Variants in SHANK2 observed in about 807,000 individuals in gnomAD.
SHANK2 encodes the protein SH3 and multiple ankyrin repeat domains protein 2.
SHANK2 carries 43 observed loss-of-function variants against 133.7 expected under a neutral mutation model. The observed-to-expected ratio is 0.32, with a 90% confidence interval of 0.25 to 0.41. SHANK2 has a LOEUF of 0.41. SHANK2 is among the 10% of genes least tolerant of loss of function. The pLI is 1.00. For missense variants in SHANK2, 1,994 were observed against 2,235.8 expected, an observed-to-expected ratio of 0.89 and a Z score of 2.18; for synonymous variants, 1,017 against 952.8, an observed-to-expected ratio of 1.07 and a Z score of -1.24.
chr11:70,858,468 C>T (rs1949205001), intron 11 of SHANK2, among the ~76,000 whole-genome samples: 1 of 152,238 alleles, frequency 6.6e-6, no homozygotes, highest in Non-Finnish European at 1.5e-5. Flanking sequence ...ATGACCTGCA[C>T]ACCCAACACC....
chr11:70,547,838 G>C (rs1340531540), intron 17 of SHANK2, among the ~76,000 whole-genome samples: 1 of 152,168 alleles, frequency 6.6e-6, no homozygotes, highest in African/African-American at 2.4e-5. Flanking sequence ...AGACACAATC[G>C]AGACAGAGAA....
At chr11:70,858,812 AT>A (rs1949210836) in intron 11 of SHANK2, among the ~76,000 whole-genome samples, 1 of 152,220 alleles carries the variant, frequency 6.6e-6, no homozygotes, top group Non-Finnish European at 1.5e-5. Flanking sequence ...CCATCTGGTT[AT>A]CCCTGGCATC....
At chr11:70,915,057 T>C (rs1248338599) in intron 10 of SHANK2, among the ~76,000 whole-genome samples, 1 of 152,200 alleles carries the variant, frequency 6.6e-6, no homozygotes, top group East Asian at 1.9e-4. Flanking sequence ...TTCCCTAATC[T>C]TAGTAATGTG....
chr11:70,897,136 G>T (rs139161166), intron 10 of SHANK2, among the ~76,000 whole-genome samples: 263 of 152,326 alleles, frequency 1.7e-3, no homozygotes, highest in African/African-American at 6.1e-3. Context: ...CGGCCCTACA[G>T]ATCTGTTGCC....
In SHANK2 at chr11:71,147,172, C is replaced by T; in HGVS notation, c.155G>A (p.Ser52Asn). Residue 52 changes from serine to asparagine, a missense_variant, in exon 3 of 26, where the codon AGC becomes AAC. Coordinates refer to ENST00000601538, the MANE Select transcript of SHANK2 (RefSeq NM_012309.5). ...EKPGGARTEE[S>N]QGNTLVIRVV... ...GCGGATCACCAGCGTGTTGCCCTGG[C>T]TCTCCTCCGTCCTGGCACCGCCCGG... 1 of 1,550,574 alleles carries T rather than the reference C, an allele frequency of 6.4e-7. No individual in the cohort carries two copies. Among genetic ancestry groups the T allele is most frequent in the Non-Finnish European group, 8.7e-7 (1 of 1,146,956 alleles).
chr11:70,948,102 GA>G (rs1452343997), intron 10 of SHANK2, among the ~76,000 whole-genome samples: 3 of 151,722 alleles, frequency 2.0e-5, no homozygotes, highest in Non-Finnish European at 4.4e-5. Context: ...CTGACATCCT[GA>G]GGGCCCACTC....
At chr11:71,233,432 C>A (rs1550539) in intron 1 of SHANK2, among the ~76,000 whole-genome samples, 1 of 151,844 alleles carries the variant, frequency 6.6e-6, no homozygotes, top group Non-Finnish European at 1.5e-5. Context: ...CTCACCAAGA[C>A]GGGAGACAGA....
chr11:70,659,845 C>T lies in SHANK2; in HGVS notation c.2044G>A (p.Gly682Arg), dbSNP rs782483354. Residue 682 changes from glycine (G) to arginine (R), a missense_variant, in exon 17 of 26, where the codon GGG becomes AGG. Coordinates refer to ENST00000601538, the MANE Select transcript of SHANK2 (RefSeq NM_012309.5). The part of the protein sequence containing the change: ...GVAWQAGLRT[G>R]DFLIEVNNEN... The stretch of plus-strand genomic sequence containing the variant: ...GTCCCTACCTCAATCAAGAAGTCCC[C>T]GGTCCTTAGTCCGGCTTGCCACGCC... 6 of 1,614,132 alleles carry T rather than the reference C, an allele frequency of 3.7e-6. No homozygotes were observed. Among genetic ancestry groups the T allele is most frequent in the Non-Finnish European group, 5.1e-6 (6 of 1,180,012 alleles).
rs550461083 is a variant in SHANK2, at chr11:71,215,508, G to A, written c.-13+9189C>T. 1.3e-3 allele frequency among the ~76,000 whole-genome samples: 196 copies of A among 152,320 alleles called. 3 individuals carry two copies. The highest frequency in any genetic ancestry group is 3.4e-4 in the Non-Finnish European group (23 of 68,022). On this transcript the variant is annotated intron_variant, in intron 2 of 25. Coordinates refer to ENST00000601538, the MANE Select transcript of SHANK2 (RefSeq NM_012309.5). Reference sequence around the variant, plus strand: ...TCCTGCCAAGACAGGCCCCCTGAGCGAACGTGAGGTCAGGCCTGAAAAGAA... The same window carrying A: ...TCCTGCCAAGACAGGCCCCCTGAGCAAACGTGAGGTCAGGCCTGAAAAGAA...
intron 8 of SHANK2, among the ~76,000 whole-genome samples, chr11:71,085,555 T>C (rs1214728580): frequency 1.3e-5 from 1 of 78,176 alleles, no homozygotes; most frequent in Non-Finnish European, 2.3e-5. Flanking sequence ...TATAACATAT[T>C]ATATTATATA....
At chr11:70,590,997 G>A (rs2060313620) in intron 17 of SHANK2, among the ~76,000 whole-genome samples, 1 of 152,148 alleles carries the variant, frequency 6.6e-6, no homozygotes, top group East Asian at 1.9e-4. Context: ...TTTAAAAAAG[G>A]AAAAGACAAA....
chr11:70,805,939 T>C (rs1401652597), intron 13 of SHANK2, among the ~76,000 whole-genome samples: 1 of 152,168 alleles, frequency 6.6e-6, no homozygotes, highest in East Asian at 1.9e-4. Flanking sequence ...TGCTATCAAA[T>C]GATGAAATAT....
At chr11:70,805,665 CA>C (rs1555051660) in intron 13 of SHANK2, among the ~76,000 whole-genome samples, 1 of 152,040 alleles carries the variant, frequency 6.6e-6, no homozygotes, top group Non-Finnish European at 1.5e-5. Flanking sequence ...AAAAACAAAA[CA>C]AAAAACTAAG....
At chr11:70,784,784 G>A (rs1947612859) in intron 14 of SHANK2, among the ~76,000 whole-genome samples, 1 of 152,120 alleles carries the variant, frequency 6.6e-6, no homozygotes, top group Non-Finnish European at 1.5e-5. Context: ...TCCCCATCTC[G>A]GTAAATGTCA....
intron 2 of SHANK2, among the ~76,000 whole-genome samples, chr11:71,190,101 C>A: frequency 6.6e-6 from 1 of 152,238 alleles, no homozygotes; most frequent in Non-Finnish European, 1.5e-5. Context: ...CGTCCACCTG[C>A]AGGGCCCCAA....
intron 7 of SHANK2, among the ~76,000 whole-genome samples, chr11:71,093,064 C>G (rs1555094506): frequency 5.2e-4 from 46 of 87,622 alleles, no homozygotes; most frequent in South Asian, 1.6e-3. Flanking sequence ...GGGGGGGGGG[C>G]AGGTATAACT....
chr11:71,081,456 C>T (rs932877759), intron 8 of SHANK2, among the ~76,000 whole-genome samples: 59 of 152,332 alleles, frequency 3.9e-4, no homozygotes, highest in African/African-American at 1.3e-3. Flanking sequence ...CCCACCTTCC[C>T]CATGGAGCCC....
Position 70,500,484 on chromosome 11 carries a change from G to A in SHANK2, c.2308+86C>T. Reference sequence around the variant, plus strand: ...GCCAACAAGGCTTTGCGACACATTTGAGACTTCACGGCATCACAAAGGATG... The same window carrying A: ...GCCAACAAGGCTTTGCGACACATTTAAGACTTCACGGCATCACAAAGGATG... On this transcript the variant is annotated intron_variant, in intron 21 of 25. Transcript: ENST00000601538. This position sits in a 1 kb window ranked among gnomAD's most constrained non-coding sequence, Gnocchi z 4.5. The A allele has an allele frequency of 1.9e-6, 3 of 1,538,506 alleles. No individual in the cohort carries two copies. Among genetic ancestry groups the A allele is most frequent in the Non-Finnish European group, 8.8e-7 (1 of 1,133,350 alleles).
intron 10 of SHANK2, among the ~76,000 whole-genome samples, chr11:70,904,603 G>A (rs921790424): frequency 1.1e-4 from 17 of 151,300 alleles, no homozygotes; most frequent in Non-Finnish European, 2.4e-4. Context: ...CACCTCCCAG[G>A]TTCAAGTGAT....
Sources: allele counts gnomAD v4.1 joint callset (sites outside exome capture counted in the v4.1 genomes callset), GRCh38; gene constraint gnomAD v4.1.1; non-coding constraint Gnocchi (gnomAD v3.1); transcripts MANE v1.5; gene names NCBI Gene and HGNC (gene_info 2026-07-23, HGNC 2026-07-21).